The following PLXNA4 variants were observed in gnomAD, a reference collection of about 807,000 sequenced individuals.
PLXNA4 encodes the protein plexin-A4.
A neutral mutation model predicts 191.8 loss-of-function variants in PLXNA4; 44 were observed. That is an observed-to-expected ratio of 0.23 (90% CI 0.18 to 0.29). PLXNA4 has a LOEUF of 0.29. PLXNA4 is among the 10% of genes least tolerant of loss of function. The pLI, the probability that PLXNA4 is intolerant of heterozygous loss-of-function variation, is 1.00. For synonymous variants in PLXNA4, 1,082 were observed against 1,009.5 expected (o/e 1.07, Z -1.36); for missense variants, 1,800 against 2,488.8 (o/e 0.72, Z 5.89).
At chr7:132,642,586 G>A (rs1054565234) in intron 2 of PLXNA4, among the ~76,000 whole-genome samples, 1 of 152,066 alleles carries the variant, frequency 6.6e-6, no homozygotes, top group Non-Finnish European at 1.5e-5. Context: ...GGGCGAGGGA[G>A]GGGGGAACGA....
At chr7:132,595,075 C>T (rs968147574) in intron 2 of PLXNA4, among the ~76,000 whole-genome samples, 1 of 151,958 alleles carries the variant, frequency 6.6e-6, no homozygotes, top group Admixed American at 6.6e-5. Context: ...GGCTTAGATC[C>T]TGTTAGATCC....
At chr7:132,267,645 C>A (rs1799906974) in intron 4 of PLXNA4, among the ~76,000 whole-genome samples, 1 of 152,166 alleles carries the variant, frequency 6.6e-6, no homozygotes, top group African/African-American at 2.4e-5. Context: ...AGAGCTCTGC[C>A]ATTGGCTTCT....
Position 132,124,623 on chromosome 7 carries a change from C to G in PLXNA4, c.*5856G>C, listed in dbSNP as rs1288746654. The G allele has an allele frequency of 6.6e-6, 1 of 152,232 alleles. No homozygotes were observed. The allele number at this position is 152,232 out of a possible 1,614,324, so 9.4% of individuals were successfully genotyped here. A position where few individuals can be genotyped will look rare whatever the true frequency, so the allele number is the denominator to read the frequency against. On this transcript the variant is annotated 3_prime_UTR_variant, in exon 32 of 32. Coordinates refer to ENST00000321063, the MANE Select transcript of PLXNA4 (RefSeq NM_020911.2). ...TTTTGCAATCCTGGCGGAGGGAAAG[C>G]TTGGGTCTTCCCATGACCCATCCCT...
At chr7:132,437,388 G>C (rs1057034147) in intron 3 of PLXNA4, among the ~76,000 whole-genome samples, 4 of 152,130 alleles carry the variant, frequency 2.6e-5, no homozygotes, top group African/African-American at 9.7e-5. Context: ...GGAGGGATGT[G>C]ACCACACGTG....
intron 3 of PLXNA4, among the ~76,000 whole-genome samples, chr7:132,393,278 G>A (rs1401792483): frequency 6.8e-6 from 1 of 147,142 alleles, no homozygotes; most frequent in Non-Finnish European, 1.5e-5. Flanking sequence ...TACAGAGGGT[G>A]ATAAATCCCA....
intron 10 of PLXNA4, among the ~76,000 whole-genome samples, chr7:132,207,796 C>A (rs746785118): frequency 2.0e-4 from 31 of 152,204 alleles, no homozygotes; most frequent in Non-Finnish European, 3.1e-4. Flanking sequence ...AAAATTTGTC[C>A]TTCCACACAA....
chr7:132,260,707 G>T (rs775406916), intron 4 of PLXNA4, among the ~76,000 whole-genome samples: 5 of 152,142 alleles, frequency 3.3e-5, no homozygotes, highest in Non-Finnish European at 7.3e-5. Context: ...GGTTTTCAGG[G>T]GTTGGACGGG....
chr7:132,591,233 T>C (rs993074728), intron 2 of PLXNA4, among the ~76,000 whole-genome samples: 4 of 152,180 alleles, frequency 2.6e-5, no homozygotes, highest in African/African-American at 9.7e-5. Flanking sequence ...ACAGGGCCCA[T>C]GTTGGGGACA....
intron 3 of PLXNA4, among the ~76,000 whole-genome samples, chr7:132,444,580 A>G (rs1795823732): frequency 6.6e-6 from 1 of 152,232 alleles, no homozygotes; most frequent in South Asian, 2.1e-4. Context: ...TCCTTTGAGT[A>G]TCTTGAATGG....
Position 132,227,324 on chromosome 7 carries a change from T to G in PLXNA4, c.1882+127A>C, listed in dbSNP as rs11761061. On this transcript the variant is annotated intron_variant, in intron 7 of 31. Transcript: ENST00000321063. Reference sequence around the variant, plus strand: ...CCCTCTTCCCATAACACACCCACCATCCCATGCCCCTTCCTCTGACTCTCT... The same window carrying G: ...CCCTCTTCCCATAACACACCCACCAGCCCATGCCCCTTCCTCTGACTCTCT... 5 of 1,288,310 alleles carry G rather than the reference T, an allele frequency of 3.9e-6. 1 individual carries two copies. The Admixed American group carries it at 1.0e-4, about 27-fold the overall frequency. 79.8% of individuals were successfully genotyped at this position (1,288,310 alleles called of 1,614,324 possible). A position where few individuals can be genotyped will look rare whatever the true frequency, so the allele number is the denominator to read the frequency against.
chr7:132,573,280 G>A (rs1338012359), intron 1 of PLXNA4, among the ~76,000 whole-genome samples: 2 of 152,074 alleles, frequency 1.3e-5, no homozygotes, highest in Admixed American at 6.5e-5. Context: ...TATTGCTGCC[G>A]CCCCCTTGTA....
chr7:132,164,395 A>C (rs1584782644), intron 23 of PLXNA4, 107 bp from the exon 24 acceptor site: 2 of 1,448,380 alleles, frequency 1.4e-6, no homozygotes, highest in African/African-American at 1.4e-5. Flanking sequence ...AAGTCCCTGC[A>C]CCTGCCCCCA....
intron 12 of PLXNA4, among the ~76,000 whole-genome samples, chr7:132,199,168 C>T (rs55734252): frequency 0.28 from 42,744 of 151,974 alleles, 6,210 homozygotes; most frequent in Middle Eastern, 0.36. Context: ...GCCTGTTCTT[C>T]ATCCTTCCCA....
chr7:132,623,276 G>A (rs1041209385), intron 2 of PLXNA4, among the ~76,000 whole-genome samples: 5 of 151,622 alleles, frequency 3.3e-5, no homozygotes, highest in Admixed American at 3.3e-4. Context: ...AACCCAGGAG[G>A]CAGAGGTTGA....
intron 3 of PLXNA4, among the ~76,000 whole-genome samples, chr7:132,332,674 C>A (rs1444752345): frequency 6.6e-6 from 1 of 151,178 alleles, no homozygotes; most frequent in African/African-American, 2.4e-5. Context: ...CATAGTGAGA[C>A]CCCATTTCTA....
Position 132,445,157 on chromosome 7 carries a change from GAAA to G in PLXNA4, c.1371+44132_1371+44134del, listed in dbSNP as rs71529762. Among the ~76,000 whole-genome samples the G allele has an allele frequency of 3.6e-3, 193 of 53,788 alleles. 2 individuals carry two copies. Among genetic ancestry groups the G allele is most frequent in the African/African-American group, 0.012 (179 of 15,058 alleles). The allele number at this position is 53,788 out of a possible 152,430, so 35.3% of individuals were successfully genotyped here. ...GTGACAGAGCAAGACTCCATCTCAG[GAAA>G]AAAAAAAAAAAAAAAAAAAAAAAAA... On this transcript the variant is annotated intron_variant, in intron 3 of 31. Coordinates refer to ENST00000321063, the MANE Select transcript of PLXNA4 (RefSeq NM_020911.2).
chr7:132,171,339 G>C (rs532019607), intron 21 of PLXNA4, among the ~76,000 whole-genome samples: 68 of 152,222 alleles, frequency 4.5e-4, no homozygotes, highest in Admixed American at 7.2e-4. Flanking sequence ...TCTCATGACA[G>C]GCAGTGCTGG....
chr7:132,409,592 G>A lies in PLXNA4; in HGVS notation c.1371+79700C>T, dbSNP rs76784410. ...ATTGAACCAGCTCCCCACCCTGGAT[G>A]AGGGGGTTAATTGGATTTTTCACTC... is the stretch of plus-strand genomic sequence containing the variant. On this transcript the variant is annotated intron_variant, in intron 3 of 31. Coordinates refer to ENST00000321063, the MANE Select transcript of PLXNA4 (RefSeq NM_020911.2). Among the ~76,000 whole-genome samples, 83 of 152,286 alleles carry A rather than the reference G, an allele frequency of 5.5e-4. No individual in the cohort carries two copies. The East Asian group carries it at 0.015, about 28-fold the overall frequency.
At chr7:132,398,265 C>G (rs542126353) in intron 3 of PLXNA4, among the ~76,000 whole-genome samples, 1 of 152,314 alleles carries the variant, frequency 6.6e-6, no homozygotes, top group African/African-American at 2.4e-5. Flanking sequence ...ATAAATATAA[C>G]CTGCCATTTT....
Sources: allele counts gnomAD v4.1 joint callset (sites outside exome capture counted in the v4.1 genomes callset), GRCh38; gene constraint gnomAD v4.1.1; transcripts MANE v1.5; gene names NCBI Gene and HGNC (gene_info 2026-07-23, HGNC 2026-07-21).